Variants in GABBR2 observed in about 807,000 individuals in gnomAD.
The protein encoded by GABBR2 is gamma-aminobutyric acid type B receptor subunit 2.
A neutral mutation model predicts 105.6 loss-of-function variants in GABBR2; 23 were observed. The observed-to-expected ratio is 0.22, with a 90% CI of 0.16 to 0.31. GABBR2 has a LOEUF of 0.31. GABBR2 is among the 10% of genes least tolerant of loss of function. The probability of loss-of-function intolerance (pLI) is 1.00; values close to 1 mark genes in which losing one functional copy is unlikely to be tolerated. For missense variants in GABBR2, 734 were observed against 1,245.5 expected (o/e 0.59, Z 6.18); for synonymous variants, 478 against 499.7 (o/e 0.96, Z 0.58).
At chr9:98,679,979 T>G (rs561243286) in intron 1 of GABBR2, among the ~76,000 whole-genome samples, 3 of 152,264 alleles carry the variant, frequency 2.0e-5, no homozygotes, top group Non-Finnish European at 4.4e-5. Context: ...TTTGTTTCCT[T>G]ATGAAGGCTC....
chr9:98,516,125 GC>G (rs1286656454), intron 3 of GABBR2: 3 of 152,330 alleles, frequency 2.0e-5, no homozygotes, highest in Admixed American at 2.0e-4. Context: ...TGGATATAAA[GC>G]CTGGCAAAAA....
At chr9:98,469,697 A>G (rs1421955539) in intron 6 of GABBR2, among the ~76,000 whole-genome samples, 1 of 152,228 alleles carries the variant, frequency 6.6e-6, no homozygotes, top group African/African-American at 2.4e-5. Flanking sequence ...AAGGGTTACA[A>G]TGTGGATATA....
intron 1 of GABBR2, among the ~76,000 whole-genome samples, chr9:98,697,875 C>T (rs1830776546): frequency 6.6e-6 from 1 of 152,222 alleles, no homozygotes; most frequent in African/African-American, 2.4e-5. Context: ...GGGCTCTGGT[C>T]ATCTGCCCCA....
At chr9:98,653,848 T>C (rs148340210) in intron 1 of GABBR2, among the ~76,000 whole-genome samples, 1 of 152,288 alleles carries the variant, frequency 6.6e-6, no homozygotes, top group African/African-American at 2.4e-5. Context: ...TGAGTCCTCG[T>C]ATTTAGTGGA....
chr9:98,630,006 G>T (rs1379942090), intron 1 of GABBR2, among the ~76,000 whole-genome samples: 2 of 151,928 alleles, frequency 1.3e-5, no homozygotes, highest in Non-Finnish European at 2.9e-5. Context: ...GCTTCTAAAA[G>T]TATTCATGTG....
At chr9:98,395,746 G>T (rs367603487) in intron 8 of GABBR2, among the ~76,000 whole-genome samples, 2 of 152,082 alleles carry the variant, frequency 1.3e-5, no homozygotes, top group Non-Finnish European at 2.9e-5. Context: ...GGATACCAGC[G>T]AACATGGATG....
intron 7 of GABBR2, among the ~76,000 whole-genome samples, chr9:98,426,284 C>G (rs1301633570): frequency 6.6e-6 from 1 of 152,206 alleles, no homozygotes; most frequent in East Asian, 1.9e-4. Context: ...ACTTAAAGCA[C>G]AGAGTGGTGT....
chr9:98,585,240 C>G (rs917844521), intron 1 of GABBR2, among the ~76,000 whole-genome samples: 1 of 152,060 alleles, frequency 6.6e-6, no homozygotes, highest in Admixed American at 6.6e-5. Flanking sequence ...TGGAACCAAC[C>G]TAAATGTCCA....
At chr9:98,537,747 A>T (rs1009116915) in intron 3 of GABBR2, among the ~76,000 whole-genome samples, 1 of 152,322 alleles carries the variant, frequency 6.6e-6, no homozygotes. Context: ...AACATAAAAA[A>T]TTTATAAAAA....
intron 2 of GABBR2, among the ~76,000 whole-genome samples, chr9:98,547,378 A>G (rs4578071): frequency 0.15 from 17,339 of 116,192 alleles, 5,816 homozygotes; most frequent in East Asian, 0.34. Flanking sequence ...TATTGTATAT[A>G]TTATACATAA....
At chr9:98,457,983 C>G (rs908754843) in intron 6 of GABBR2, among the ~76,000 whole-genome samples, 1 of 152,194 alleles carries the variant, frequency 6.6e-6, no homozygotes, top group African/African-American at 2.4e-5. Flanking sequence ...ATAACTTATG[C>G]AGATAGTCCC....
chr9:98,448,827 C>T (rs1022815872), intron 7 of GABBR2, among the ~76,000 whole-genome samples: 1 of 151,950 alleles, frequency 6.6e-6, no homozygotes, highest in African/African-American at 2.4e-5. Context: ...TGGTAACAGC[C>T]ATCATCTTAG....
chr9:98,301,382 A>C (rs908193142), intron 16 of GABBR2, among the ~76,000 whole-genome samples: 2 of 152,222 alleles, frequency 1.3e-5, no homozygotes, highest in Non-Finnish European at 2.9e-5. Context: ...TTGGTCACAG[A>C]AGTCTTCTGC....
rs187634767 is a variant in GABBR2, at chr9:98,427,514, A to C, written c.1237-21373T>G. ...GAGACTATGTCAGCCAGGGTCTTTGATAACCACACTCTAAGGTGGCCCCAA... is the reference window on the plus strand; with the variant it reads ...GAGACTATGTCAGCCAGGGTCTTTGCTAACCACACTCTAAGGTGGCCCCAA... On this transcript the variant is annotated intron_variant, in intron 7 of 18. Transcript: ENST00000259455. Among the ~76,000 whole-genome samples the C allele has an allele frequency of 1.2e-3, 182 of 152,336 alleles. 1 individual carries two copies. Among genetic ancestry groups the C allele is most frequent in the African/African-American group, 3.9e-3 (162 of 41,586 alleles).
chr9:98,568,178 A>G (rs1374654364), intron 2 of GABBR2, among the ~76,000 whole-genome samples: 1 of 152,100 alleles, frequency 6.6e-6, no homozygotes, highest in East Asian at 1.9e-4. Flanking sequence ...CCCCAGGCCA[A>G]CTCAAAGCTG....
At position 98,707,947 on chromosome 9, in the gene GABBR2, C is replaced by A. The variant is rs568222264; in HGVS notation, c.321+470G>T. ...TTCCGGAGCCTTCCGGACCTCAAAG[C>A]GCGGCTCGGCTTCCCTGGGGGCCTG... is the stretch of plus-strand genomic sequence containing the variant. On this transcript the variant is annotated intron_variant, in intron 1 of 18. Coordinates refer to ENST00000259455, the MANE Select transcript of GABBR2 (RefSeq NM_005458.8). Among the ~76,000 whole-genome samples, 143 of 152,238 alleles carry A rather than the reference C, an allele frequency of 9.4e-4. 2 individuals carry two copies. In the South Asian group the frequency reaches 0.029, roughly 31 times the overall value.
At chr9:98,468,006 A>G (rs1403281346) in intron 6 of GABBR2, among the ~76,000 whole-genome samples, 2 of 152,242 alleles carry the variant, frequency 1.3e-5, no homozygotes, top group African/African-American at 4.8e-5. Context: ...TTGCGGGAGT[A>G]GAACAGTGAT....
At chr9:98,392,248 C>G (rs549780994) in intron 9 of GABBR2, among the ~76,000 whole-genome samples, 1 of 152,200 alleles carries the variant, frequency 6.6e-6, no homozygotes, top group African/African-American at 2.4e-5. Context: ...CCCTGCCCCA[C>G]CAAATTCGTG....
intron 13 of GABBR2, among the ~76,000 whole-genome samples, chr9:98,354,648 A>G (rs1831455710): frequency 1.3e-5 from 2 of 152,202 alleles, no homozygotes; most frequent in Non-Finnish European, 2.9e-5. Context: ...TTCTTCTGCA[A>G]CTTCCTCACC....
Sources: gnomAD v4.1 joint callset for allele counts (sites outside exome capture counted in the v4.1 genomes callset) on GRCh38, gnomAD v4.1.1 for gene constraint, MANE v1.5 for transcripts, NCBI Gene and HGNC (gene_info 2026-07-23, HGNC 2026-07-21) for gene names.